The following RIMS1 variants were observed in gnomAD, a reference collection of about 807,000 sequenced individuals.
The protein encoded by RIMS1 is regulating synaptic membrane exocytosis protein 1.
In RIMS1, 83 loss-of-function variants were observed where a neutral mutation model predicts 214.1. The observed-to-expected ratio is 0.39, with a 90% CI of 0.32 to 0.47. The LOEUF (loss-of-function observed/expected upper bound fraction) is 0.47, where lower values mean the gene tolerates loss of function less well. Among genes scored for constraint, RIMS1 ranks in the 20% least tolerant of loss-of-function variants. The probability of loss-of-function intolerance (pLI) is 0.99; values close to 1 mark genes in which losing one functional copy is unlikely to be tolerated. For missense variants in RIMS1, 2,050 were observed against 2,161.8 expected (o/e 0.95, Z 1.03); for synonymous variants, 793 against 786.8 (o/e 1.01, Z -0.13).
intron 6 of RIMS1, among the ~76,000 whole-genome samples, chr6:72,214,946 T>A (rs1263835164): frequency 6.6e-6 from 1 of 152,144 alleles, no homozygotes; most frequent in Non-Finnish European, 1.5e-5. Flanking sequence ...TGTTTCAAAC[T>A]CCTGACCTCC....
chr6:72,026,301 A>C (rs1435413636), intron 2 of RIMS1, among the ~76,000 whole-genome samples: 3 of 152,182 alleles, frequency 2.0e-5, no homozygotes, highest in Non-Finnish European at 4.4e-5. Context: ...GATTTATCAC[A>C]TACCAGCTGG....
chr6:72,252,187 G>A (rs1277657927), intron 15 of RIMS1, among the ~76,000 whole-genome samples: 1 of 152,078 alleles, frequency 6.6e-6, no homozygotes, highest in Non-Finnish European at 1.5e-5. Flanking sequence ...CCTCATTTTG[G>A]TAATCTGGAA....
chr6:72,300,845 A>G (rs971821557), intron 26 of RIMS1, among the ~76,000 whole-genome samples: 9 of 151,738 alleles, frequency 5.9e-5, no homozygotes, highest in Non-Finnish European at 1.3e-4. Flanking sequence ...TTCGTTTTAG[A>G]TAGTTCAATG....
chr6:72,247,535 C>CAAAAA (rs10717559), intron 11 of RIMS1, among the ~76,000 whole-genome samples: 1 of 104,024 alleles, frequency 9.6e-6, no homozygotes, highest in Non-Finnish European at 1.9e-5. Flanking sequence ...AACTCTGTCT[C>CAAAAA]AAAAAAAAAA....
chr6:71,902,184 G>A (rs1773850206), intron 1 of RIMS1, among the ~76,000 whole-genome samples: 1 of 152,064 alleles, frequency 6.6e-6, no homozygotes, highest in African/African-American at 2.4e-5. Flanking sequence ...GAAAAGATGA[G>A]GGACCTTCTG....
intron 1 of RIMS1, among the ~76,000 whole-genome samples, chr6:71,918,183 G>A (rs1778988917): frequency 6.6e-6 from 1 of 152,062 alleles, no homozygotes; most frequent in Non-Finnish European, 1.5e-5. Context: ...AGAGAGGAGA[G>A]GTGAAGATTA....
intron 6 of RIMS1, among the ~76,000 whole-genome samples, chr6:72,219,207 T>C (rs1179165537): frequency 6.6e-6 from 1 of 152,202 alleles, no homozygotes; most frequent in Non-Finnish European, 1.5e-5. Flanking sequence ...AAGAAGCATG[T>C]CAATTTATCA....
At chr6:71,995,551 T>A (rs1803171022) in intron 2 of RIMS1, among the ~76,000 whole-genome samples, 1 of 151,850 alleles carries the variant, frequency 6.6e-6, no homozygotes, top group African/African-American at 2.4e-5. Context: ...GGATGTGTTC[T>A]AGATTATCTT....
At chr6:72,316,740 C>T (rs746237131) in intron 28 of RIMS1, 2 of 661,202 alleles carry the variant, frequency 3.0e-6, no homozygotes, top group South Asian at 1.4e-5. Context: ...TGGGGGCCCT[C>T]TGGTTTCAGA....
intron 6 of RIMS1, among the ~76,000 whole-genome samples, chr6:72,187,673 T>A (rs2049356430): frequency 6.6e-6 from 1 of 151,962 alleles, no homozygotes; most frequent in South Asian, 2.1e-4. Flanking sequence ...TATGTATTTT[T>A]AGTAGAGACA....
At chr6:72,284,664 T>G (rs552545650) in intron 24 of RIMS1, among the ~76,000 whole-genome samples, 60 of 138,538 alleles carry the variant, frequency 4.3e-4, no homozygotes, top group African/African-American at 1.6e-3. Flanking sequence ...TTTTAAGTAT[T>G]TTTAGGTACA....
chr6:72,374,960 A>G (rs1184526887), intron 29 of RIMS1, among the ~76,000 whole-genome samples: 1 of 152,148 alleles, frequency 6.6e-6, no homozygotes, highest in East Asian at 1.9e-4. Context: ...TGCACAGTTC[A>G]CAATAGGGTT....
intron 4 of RIMS1, among the ~76,000 whole-genome samples, chr6:72,116,354 T>TG (rs2037072711): frequency 6.6e-6 from 1 of 151,870 alleles, no homozygotes; most frequent in African/African-American, 2.4e-5. Flanking sequence ...TAATTCTGAG[T>TG]GGGGGTCAAG....
chr6:72,293,087 T>C (rs2093631905), intron 26 of RIMS1, among the ~76,000 whole-genome samples: 1 of 152,060 alleles, frequency 6.6e-6, no homozygotes, highest in South Asian at 2.1e-4. Context: ...TGATGTGGCA[T>C]AGATTGCCAT....
At chr6:71,986,996 G>A (rs1291721758) in intron 2 of RIMS1, among the ~76,000 whole-genome samples, 1 of 152,226 alleles carries the variant, frequency 6.6e-6, no homozygotes, top group Non-Finnish European at 1.5e-5. Flanking sequence ...ATTTGGAGAA[G>A]AGGATAAATG....
At chr6:71,891,109 T>C (rs1769721003) in intron 1 of RIMS1, among the ~76,000 whole-genome samples, 1 of 151,578 alleles carries the variant, frequency 6.6e-6, no homozygotes, top group South Asian at 2.1e-4. Flanking sequence ...GATCAGCTGC[T>C]GATCACAGCA....
At chr6:72,153,779 C>T (rs2044054024) in intron 4 of RIMS1, among the ~76,000 whole-genome samples, 1 of 152,132 alleles carries the variant, frequency 6.6e-6, no homozygotes, top group African/African-American at 2.4e-5. Flanking sequence ...CTGGTATCTT[C>T]TTAAATATTT....
Position 72,333,599 on chromosome 6 carries a change from G to C in RIMS1, c.4131-1G>C, listed in dbSNP as rs1212194289. On this transcript the variant is annotated splice_acceptor_variant, in intron 28 of 33. Transcript: ENST00000521978. LOFTEE classifies it high-confidence loss of function. ...TATATGTTTTTACTTTGTAAATATAGTTCATTTACCCCCAAAATGCAAGGC... is the reference window on the plus strand; with the variant it reads ...TATATGTTTTTACTTTGTAAATATACTTCATTTACCCCCAAAATGCAAGGC... 4 of 1,572,074 alleles carry C rather than the reference G, an allele frequency of 2.5e-6. No individual in the cohort carries two copies. In the African/African-American group the frequency reaches 4.1e-5, roughly 16 times the overall value.
intron 29 of RIMS1, among the ~76,000 whole-genome samples, 176 bp downstream of exon 29, chr6:72,334,011 C>T (rs1594026822): frequency 6.6e-6 from 1 of 151,830 alleles, no homozygotes; most frequent in East Asian, 1.9e-4. Flanking sequence ...TTCTGTACAG[C>T]TCTCTTCACA....
Sources: gnomAD v4.1 joint callset for allele counts (sites outside exome capture counted in the v4.1 genomes callset) on GRCh38, gnomAD v4.1.1 for gene constraint, MANE v1.5 for transcripts, NCBI Gene and HGNC (gene_info 2026-07-23, HGNC 2026-07-21) for gene names.